Variants in SYTL2 observed in about 807,000 individuals in gnomAD.
SYTL2 encodes the protein synaptotagmin-like protein 2.
SYTL2 carries 165 observed loss-of-function variants against 198.7 expected under a neutral mutation model. That is an observed-to-expected ratio of 0.83 (90% CI 0.73 to 0.94). The LOEUF is 0.94. Among genes scored for constraint, SYTL2 ranks in the 40% least tolerant of loss-of-function variants. The pLI, the probability that SYTL2 is intolerant of heterozygous loss-of-function variation, is 0.00. For missense variants in SYTL2, 2,835 were observed against 2,582.8 expected, an observed-to-expected ratio of 1.10 and a Z score of -2.12; for synonymous variants, 966 against 917.7, an observed-to-expected ratio of 1.05 and a Z score of -0.95.
At chr11:85,782,920 C>T (rs1019656939) in intron 1 of SYTL2, among the ~76,000 whole-genome samples, 3 of 152,212 alleles carry the variant, frequency 2.0e-5, no homozygotes, top group Admixed American at 2.0e-4. Flanking sequence ...AACCATTCAA[C>T]AAGTCTCTAG....
intron 1 of SYTL2, among the ~76,000 whole-genome samples, chr11:85,771,327 T>C (rs1027106912): frequency 6.6e-6 from 1 of 152,210 alleles, no homozygotes; most frequent in Non-Finnish European, 1.5e-5. Flanking sequence ...AATGGAAACT[T>C]GGCAAGACTC....
the SYTL2 span, among the ~76,000 whole-genome samples, chr11:85,850,213 T>A: frequency 1.3e-5 from 2 of 149,712 alleles, no homozygotes; most frequent in Admixed American, 6.7e-5. Context: ...TTTCTAGATA[T>A]ACAATCATGT....
chr11:85,759,627 T>C (rs2092033962), intron 1 of SYTL2, among the ~76,000 whole-genome samples: 1 of 152,240 alleles, frequency 6.6e-6, no homozygotes, highest in African/African-American at 2.4e-5. Context: ...TATATTTCTC[T>C]TTTGTATTAT....
rs886275750 is a variant in SYTL2 at position 85,725,641 on chromosome 11, G to T, written c.3717C>A (p.Thr1239=). 1.4e-5 allele frequency: 23 copies of T among 1,613,996 alleles called. No homozygotes were observed. Among genetic ancestry groups the T allele is most frequent in the Non-Finnish European group, 1.8e-5 (21 of 1,180,036 alleles). Residue 1239 remains threonine (T), a synonymous_variant, in exon 8 of 20, where the codon ACC becomes ACA. Coordinates refer to ENST00000359152, the MANE Select transcript of SYTL2 (RefSeq NM_206927.4). ...ATCTCCCCTCTTCCAGCTTAGAGTT[G>T]GTTCCAGTGATAACAGGCGCCAACT... The part of the protein sequence containing the change: ...QAKLAPVITG[T]NSKLEEGRFF...
chr11:85,823,775 C>G, the SYTL2 span, among the ~76,000 whole-genome samples: 11 of 152,140 alleles, frequency 7.2e-5, no homozygotes, highest in African/African-American at 2.4e-4. Flanking sequence ...TGATGCAAAG[C>G]TTTAAGATTT....
At chr11:85,784,053 A>C (rs951740318) in intron 1 of SYTL2, among the ~76,000 whole-genome samples, 7 of 152,196 alleles carry the variant, frequency 4.6e-5, no homozygotes, top group African/African-American at 1.7e-4. Flanking sequence ...ACCACGTGCC[A>C]TGTGCCCATG....
chr11:85,700,444 C>T lies in SYTL2; in HGVS notation c.6268+71G>A, dbSNP rs111788841. The T allele has an allele frequency of 5.8e-4, 729 of 1,255,558 alleles. 5 individuals are homozygous for T. The highest frequency in any genetic ancestry group is 3.6e-3 in the Middle Eastern group (19 of 5,286). The allele number at this position is 1,255,558 out of a possible 1,614,324, so 77.8% of individuals were successfully genotyped here. On this transcript the variant is annotated intron_variant, in intron 17 of 19. Transcript: ENST00000359152. ...TTCTTTAGGGCCTCACCTTTGAAAA[C>T]GCATAGTAAATACTGTGAGAAGGGA...
Position 85,727,009 on chromosome 11 carries a change from T to C in SYTL2, c.2349A>G (p.Gln783=). The C allele has an allele frequency of 6.5e-7, 1 of 1,536,604 alleles. No individual in the cohort carries two copies. Among genetic ancestry groups the C allele is most frequent in the Non-Finnish European group, 8.7e-7 (1 of 1,146,990 alleles). ...QQEAGEVPKN[Q]VQREKYKRVS... is the part of the protein sequence containing the mutation. The stretch of plus-strand genomic sequence containing the variant: ...CTCTTTTGTATTTCTCTCTCTGCAC[T>C]TGGTTCTTGGGAACCTCACCAGCTT... The change falls in exon 8 of 20, where the codon CAA becomes CAG. Residue 783 remains glutamine, a synonymous_variant. Transcript: ENST00000359152.
chr11:85,724,302 C>T lies in SYTL2; in HGVS notation c.5056G>A (p.Asp1686Asn). The T allele has an allele frequency of 3.2e-6, 5 of 1,575,690 alleles. No homozygotes were observed. The highest frequency in any genetic ancestry group is 4.3e-6 in the Non-Finnish European group (5 of 1,164,522). The change falls in exon 8 of 20, where the codon GAC becomes AAC. Residue 1686 changes from aspartate to asparagine, a missense_variant. Physicochemically the swap from Asp to Asn is conservative, Grantham distance 23 (BLOSUM62 1). Coordinates refer to ENST00000359152, the MANE Select transcript of SYTL2 (RefSeq NM_206927.4). ...IKTVTPPEDR[D>N]SESGVAGGQG... ...CCCCCTGCAACCCCACTTTCACTGTCCCTGTCCTCTGGGGGGGTTACAGTT... is the reference window on the plus strand; with the variant it reads ...CCCCCTGCAACCCCACTTTCACTGTTCCTGTCCTCTGGGGGGGTTACAGTT...
chr11:85,823,919 A>G, the SYTL2 span, among the ~76,000 whole-genome samples: 1 of 152,220 alleles, frequency 6.6e-6, no homozygotes, highest in Non-Finnish European at 1.5e-5. Flanking sequence ...TTGAACTTCC[A>G]TCAGCCACCT....
the SYTL2 span, among the ~76,000 whole-genome samples, chr11:85,850,273 C>A: frequency 2.0e-5 from 3 of 151,750 alleles, no homozygotes; most frequent in African/African-American, 7.3e-5. Flanking sequence ...ATTGAATACC[C>A]TTTATTTCCT....
Position 85,698,444 on chromosome 11 carries a change from G to A in SYTL2, c.6269-366C>T, listed in dbSNP as rs569749982. Among the ~76,000 whole-genome samples the A allele has an allele frequency of 2.9e-4, 44 of 152,298 alleles. No homozygotes were observed. In the South Asian group the frequency reaches 6.0e-3, roughly 21 times the overall value. The stretch of plus-strand genomic sequence containing the variant: ...ATATACCTTGCAAACATTAATACCA[G>A]TATCAGTTGGTGCTAGTGGAAGACA... On this transcript the variant is annotated intron_variant, in intron 17 of 19. Coordinates refer to ENST00000359152, the MANE Select transcript of SYTL2 (RefSeq NM_206927.4).
Position 85,734,310 on chromosome 11 carries a change from T to A in SYTL2, c.1019A>T (p.Asp340Val), listed in dbSNP as rs751736214. 7.4e-6 allele frequency: 12 copies of A among 1,614,092 alleles called. No homozygotes were observed. Among genetic ancestry groups the A allele is most frequent in the Non-Finnish European group, 9.3e-6 (11 of 1,180,016 alleles). Residue 340 changes from aspartate to valine, a missense_variant, in exon 7 of 20, where the codon GAT (aspartate) becomes GTT (valine). Transcript: ENST00000359152. ...LKHVRFSAVKDELPQSPGLIH... is the reference protein window; with the variant it reads ...LKHVRFSAVKVELPQSPGLIH... The stretch of plus-strand genomic sequence containing the variant: ...TAGCCCAGGACTCTGTGGAAGCTCA[T>A]CCTTCACTGCAGAGAATCTCACATG...
the SYTL2 span, among the ~76,000 whole-genome samples, chr11:85,852,182 C>A: frequency 6.6e-6 from 1 of 152,134 alleles, no homozygotes; most frequent in Admixed American, 6.6e-5. Flanking sequence ...ATATGATAAT[C>A]CATTTTTTAA....
chr11:85,774,817 C>T (rs1347532465), intron 1 of SYTL2, among the ~76,000 whole-genome samples: 1 of 152,112 alleles, frequency 6.6e-6, no homozygotes, highest in Non-Finnish European at 1.5e-5. Context: ...CACAAATGAT[C>T]ATTAGTACTT....
Position 85,725,638 on chromosome 11 carries a change from G to A in SYTL2, c.3720C>T (p.Asn1240=), listed in dbSNP as rs556704728. 33 of 1,614,038 alleles carry A rather than the reference G, an allele frequency of 2.0e-5. No homozygotes were observed. The highest frequency in any genetic ancestry group is 2.8e-5 in the Non-Finnish European group (33 of 1,180,040). ...AKLAPVITGT[N]SKLEEGRFFG... ...AAAATCTCCCCTCTTCCAGCTTAGA[G>A]TTGGTTCCAGTGATAACAGGCGCCA... Residue 1240 remains asparagine, a synonymous_variant, in exon 8 of 20, where the codon AAC becomes AAT. Transcript: ENST00000359152.
chr11:85,733,370 T>C (rs1385072636), intron 7 of SYTL2, among the ~76,000 whole-genome samples: 2 of 152,160 alleles, frequency 1.3e-5, no homozygotes, highest in Admixed American at 1.3e-4. Flanking sequence ...AAATAGTTGA[T>C]ATGGTTATAT....
intron 4 of SYTL2, among the ~76,000 whole-genome samples, chr11:85,739,733 G>T (rs1452810708): frequency 1.3e-5 from 2 of 152,040 alleles, no homozygotes; most frequent in African/African-American, 4.8e-5. Context: ...AAAAACTGAG[G>T]TTCACAGAGG....
the SYTL2 span, among the ~76,000 whole-genome samples, chr11:85,819,244 T>C: frequency 6.6e-6 from 1 of 152,248 alleles, no homozygotes; most frequent in Non-Finnish European, 1.5e-5. Flanking sequence ...CCTCTGCATC[T>C]TTAAAAGACA....
Sources: gnomAD v4.1 joint callset for allele counts (sites outside exome capture counted in the v4.1 genomes callset) on GRCh38, gnomAD v4.1.1 for gene constraint, MANE v1.5 for transcripts, NCBI Gene and HGNC (gene_info 2026-07-23, HGNC 2026-07-21) for gene names.